Variants in GASK1A observed in about 807,000 individuals in gnomAD.
GASK1A encodes the protein Golgi-associated kinase 1A.
GASK1A carries 40 observed loss-of-function variants against 41.2 expected under a neutral mutation model. The observed-to-expected ratio is 0.97, with a 90% CI of 0.75 to 1.27. The LOEUF (loss-of-function observed/expected upper bound fraction) is 1.27. GASK1A is among the 50% of genes most tolerant of loss of function. GASK1A has a pLI of 0.00. For missense variants in GASK1A, 678 were observed against 745.1 expected (o/e 0.91, Z 1.05); for synonymous variants, 316 against 307.1 (o/e 1.03, Z -0.30).
intron 1 of GASK1A, among the ~76,000 whole-genome samples, chr3:42,991,269 G>C (rs777415130): frequency 2.6e-5 from 4 of 152,150 alleles, no homozygotes; most frequent in Non-Finnish European, 5.9e-5. Flanking sequence ...GCCCCCTAAA[G>C]TGTTGGGATT....
intron 2 of GASK1A, among the ~76,000 whole-genome samples, chr3:43,042,582 C>A (rs2089643306): frequency 6.6e-6 from 1 of 152,104 alleles, no homozygotes; most frequent in African/African-American, 2.4e-5. Flanking sequence ...CCATATTTTC[C>A]CCCGTAATTA....
intron 1 of GASK1A, among the ~76,000 whole-genome samples, chr3:42,981,009 C>G (rs964507115): frequency 6.6e-6 from 1 of 152,186 alleles, no homozygotes; most frequent in African/African-American, 2.4e-5. Context: ...CTGTGGTCTG[C>G]GGCTGAAGCA....
At chr3:43,041,243 A>T (rs2089635677) in intron 2 of GASK1A, among the ~76,000 whole-genome samples, 3 of 152,038 alleles carry the variant, frequency 2.0e-5, no homozygotes, top group Admixed American at 1.3e-4. Flanking sequence ...TATACCCAGT[A>T]ATGGGATGGC....
intron 1 of GASK1A, among the ~76,000 whole-genome samples, chr3:43,019,788 ACC>A (rs923683476): frequency 1.4e-5 from 2 of 147,814 alleles, no homozygotes; most frequent in African/African-American, 5.0e-5. Context: ...ACACACACAC[ACC>A]CCATCACATG....
At chr3:43,023,439 T>C (rs1023537107) in intron 1 of GASK1A, among the ~76,000 whole-genome samples, 36 of 152,218 alleles carry the variant, frequency 2.4e-4, no homozygotes, top group African/African-American at 4.8e-4. Flanking sequence ...TAATCTGTTA[T>C]GGCAGCTACA....
chr3:43,005,348 T>C (rs948392039), intron 1 of GASK1A, among the ~76,000 whole-genome samples: 1 of 152,222 alleles, frequency 6.6e-6, no homozygotes, highest in Non-Finnish European at 1.5e-5. Flanking sequence ...TCTGAAAATA[T>C]TAAATGGAAA....
At chr3:43,011,110 A>G (rs985450968) in intron 1 of GASK1A, among the ~76,000 whole-genome samples, 9 of 152,210 alleles carry the variant, frequency 5.9e-5, no homozygotes, top group African/African-American at 1.9e-4. Flanking sequence ...TGGGCCAGGC[A>G]TGGTGACTCA....
chr3:43,046,515 T>C (rs2089662653), intron 2 of GASK1A, among the ~76,000 whole-genome samples: 1 of 152,218 alleles, frequency 6.6e-6, no homozygotes, highest in Admixed American at 6.5e-5. Flanking sequence ...GGTTTGGAAT[T>C]GGAACTTATA....
chr3:43,053,062 A>C (rs574133910), intron 2 of GASK1A, among the ~76,000 whole-genome samples: 27 of 152,348 alleles, frequency 1.8e-4, no homozygotes, highest in African/African-American at 6.5e-4. Context: ...GGCCTGCTGC[A>C]GGGTGAAAGA....
At chr3:43,015,663 C>A (rs1333953353) in intron 1 of GASK1A, among the ~76,000 whole-genome samples, 3 of 150,754 alleles carry the variant, frequency 2.0e-5, no homozygotes, top group Non-Finnish European at 2.9e-5. Flanking sequence ...CAGGAAGGGG[C>A]AGTGGGAAGT....
At chr3:42,979,692 C>G (rs903697859) in intron 1 of GASK1A, 47 bp downstream of exon 1, 2 of 1,245,312 alleles carry the variant, frequency 1.6e-6, no homozygotes, top group Non-Finnish European at 2.0e-6. Flanking sequence ...GGGGCGATCA[C>G]CAGGACAGGT....
intron 1 of GASK1A, among the ~76,000 whole-genome samples, chr3:43,015,298 G>T (rs1278017994): frequency 4.0e-5 from 6 of 149,664 alleles, no homozygotes; most frequent in Non-Finnish European, 8.9e-5. Context: ...AAGGGGCTGT[G>T]TGAAGCCACT....
intron 2 of GASK1A, among the ~76,000 whole-genome samples, chr3:43,034,477 A>G (rs2089595336): frequency 6.6e-6 from 1 of 152,218 alleles, no homozygotes; most frequent in Admixed American, 6.5e-5. Flanking sequence ...AGCCATAGAT[A>G]CACATGTGTG....
chr3:43,004,719 A>G (rs1479299330), intron 1 of GASK1A, among the ~76,000 whole-genome samples: 1 of 152,186 alleles, frequency 6.6e-6, no homozygotes, highest in Non-Finnish European at 1.5e-5. Context: ...TTCCCCCAAT[A>G]TAATTAGGTA....
chr3:43,016,331 C>G (rs981775409), intron 1 of GASK1A, among the ~76,000 whole-genome samples: 1 of 143,840 alleles, frequency 7.0e-6, no homozygotes, highest in African/African-American at 2.6e-5. Flanking sequence ...GACAGGGAAA[C>G]AGGCTGTGTG....
rs572806383 is a variant in GASK1A, at chr3:43,038,938, TTGTGG to T, written c.1290+5394_1290+5398del. 7.9e-5 allele frequency among the ~76,000 whole-genome samples: 12 copies of T among 152,186 alleles called. No individual in the cohort carries two copies. In the East Asian group the frequency reaches 2.3e-3, roughly 29 times the overall value. On this transcript the variant is annotated intron_variant, in intron 2 of 4. Coordinates refer to ENST00000430121, the MANE Select transcript of GASK1A (RefSeq NM_001129908.3). Reference sequence around the variant, plus strand: ...TTGGGTTTGATTGACTGTCGATGGATTGTGGTGTGGTGTATCTGAAGGCTATTGAA... The same window carrying T: ...TTGGGTTTGATTGACTGTCGATGGATTGTGGTGTATCTGAAGGCTATTGAA...
chr3:43,013,852 T>G (rs1575441428), intron 1 of GASK1A, among the ~76,000 whole-genome samples: 1 of 132,582 alleles, frequency 7.5e-6, no homozygotes, highest in Non-Finnish European at 1.7e-5. Context: ...GCAGTGTGAG[T>G]TCACAGGCAG....
At chr3:42,991,057 TG>T (rs1222788226) in intron 1 of GASK1A, among the ~76,000 whole-genome samples, 1 of 151,772 alleles carries the variant, frequency 6.6e-6, no homozygotes, top group African/African-American at 2.4e-5. Context: ...GCAGTGGGGG[TG>T]GGGGCCAGGC....
intron 1 of GASK1A, among the ~76,000 whole-genome samples, chr3:42,987,793 G>A (rs2089319892): frequency 6.6e-6 from 1 of 151,998 alleles, no homozygotes; most frequent in African/African-American, 2.4e-5. Flanking sequence ...GAGGTCAGGA[G>A]TTTGAGACCA....
Sources: allele counts gnomAD v4.1 joint callset (sites outside exome capture counted in the v4.1 genomes callset), GRCh38; gene constraint gnomAD v4.1.1; transcripts MANE v1.5; gene names NCBI Gene and HGNC (gene_info 2026-07-23, HGNC 2026-07-21).